The following MYBPC1 variants were observed in gnomAD, a reference collection of about 807,000 sequenced individuals.
The protein encoded by MYBPC1 is myosin binding protein C1.
Under a neutral mutation model 147.1 loss-of-function variants are expected in MYBPC1, and 52 were observed. The observed-to-expected ratio is 0.35, with a 90% CI of 0.28 to 0.45. The LOEUF (loss-of-function observed/expected upper bound fraction) is 0.45. Among genes scored for constraint, MYBPC1 ranks in the 20% least tolerant of loss-of-function variants. The pLI, the probability that MYBPC1 is intolerant of heterozygous loss-of-function variation, is 1.00. For synonymous variants in MYBPC1, 477 were observed against 475.9 expected (o/e 1.00, Z -0.03); for missense variants, 1,228 against 1,440.3 (o/e 0.85, Z 2.39).
At chr12:101,634,266 TG>T (rs1890562885) in intron 8 of MYBPC1, among the ~76,000 whole-genome samples, 1 of 152,198 alleles carries the variant, frequency 6.6e-6, no homozygotes, top group Non-Finnish European at 1.5e-5. Flanking sequence ...TCAACATCTT[TG>T]GCAGAGAGGA....
At chr12:101,666,576 C>T (rs1244974415) in intron 22 of MYBPC1, 19 of 666,096 alleles carry the variant, frequency 2.9e-5, no homozygotes, top group Non-Finnish European at 4.9e-5. Context: ...CTGTGCTCTC[C>T]TGAGGAACCC....
At chr12:101,608,498 A>G (rs143044415) in intron 1 of MYBPC1, among the ~76,000 whole-genome samples, 1 of 152,372 alleles carries the variant, frequency 6.6e-6, no homozygotes, top group East Asian at 1.9e-4. Context: ...TGGCTTTTGA[A>G]TAAGCAGAAG....
chr12:101,653,219 C>T lies in MYBPC1; in HGVS notation c.1738C>T (p.Pro580Ser), dbSNP rs1894876843. The T allele has an allele frequency of 3.1e-6, 5 of 1,614,102 alleles. No individual in the cohort carries two copies. Among genetic ancestry groups the T allele is most frequent in the East Asian group, 4.5e-5 (2 of 44,880 alleles). ...LEIPISGEPP[P>S]KAMWSRGDKA... ...GATCCCCATCAGCGGAGAACCACCT[C>T]CTAAAGCCATGTGGAGCCGGGGAGA... Residue 580 changes from proline (P) to serine (S), a missense_variant, in exon 18 of 32, where the codon CCT (proline) becomes TCT (serine). Pro to Ser is a moderately conservative substitution (Grantham distance 74, BLOSUM62 -1). Coordinates refer to ENST00000361466, the MANE Select transcript of MYBPC1 (RefSeq NM_002465.4).
At chr12:101,678,299 G>A (rs1277292513) in intron 28 of MYBPC1, 61 bp downstream of exon 28, 3 of 1,597,018 alleles carry the variant, frequency 1.9e-6, no homozygotes, top group South Asian at 1.1e-5. Flanking sequence ...GTGTTATAAT[G>A]TAAGTAACAA....
intron 28 of MYBPC1, among the ~76,000 whole-genome samples, chr12:101,679,642 A>G (rs913260023): frequency 6.6e-6 from 1 of 152,230 alleles, no homozygotes; most frequent in Non-Finnish European, 1.5e-5. Context: ...CTGATCTTGC[A>G]TTATCTGATT....
At position 101,659,851 on chromosome 12, in the gene MYBPC1, G is replaced by T; in HGVS notation, c.1927+20G>T. 1.2e-6 allele frequency: 2 copies of T among 1,613,618 alleles called. No homozygotes were observed. Among genetic ancestry groups the T allele is most frequent in the South Asian group, 1.1e-5 (1 of 91,038 alleles). ...TTGTGGGTAAGTCCTCCAGGTAAACGCACTTCTAGAATCAAGCTGACATGT... is the reference window on the plus strand; with the variant it reads ...TTGTGGGTAAGTCCTCCAGGTAAACTCACTTCTAGAATCAAGCTGACATGT... On this transcript the variant is annotated intron_variant, in intron 19 of 31. Coordinates refer to ENST00000361466, the MANE Select transcript of MYBPC1 (RefSeq NM_002465.4).
intron 5 of MYBPC1, 70 bp downstream of exon 5, chr12:101,627,874 A>G: frequency 1.3e-6 from 2 of 1,486,394 alleles, no homozygotes; most frequent in Non-Finnish European, 9.4e-7. Context: ...CATTTCTTGA[A>G]GCTGTATTGA....
chr12:101,652,688 T>G lies in MYBPC1; in HGVS notation c.1537T>G (p.Leu513Val). ...KVVHKGRIHK[L>V]VIANALTEDE... Reference sequence around the variant, plus strand: ...TCCTTGTTTCCTTAGGATCCACAAGTTAGTGATAGCCAATGCCCTCACTGA... The same window carrying G: ...TCCTTGTTTCCTTAGGATCCACAAGGTAGTGATAGCCAATGCCCTCACTGA... The change falls in exon 17 of 32, where the codon TTA becomes GTA. Residue 513 changes from leucine to valine, a missense_variant. Physicochemically the swap from Leu to Val is conservative, Grantham distance 32. Coordinates refer to ENST00000361466, the MANE Select transcript of MYBPC1 (RefSeq NM_002465.4). The G allele has an allele frequency of 6.2e-7, 1 of 1,612,124 alleles. No homozygotes were observed. Among genetic ancestry groups the G allele is most frequent in the Non-Finnish European group, 8.5e-7 (1 of 1,178,212 alleles).
intron 1 of MYBPC1, among the ~76,000 whole-genome samples, chr12:101,597,934 A>G (rs1160777139): frequency 1.3e-5 from 2 of 151,676 alleles, no homozygotes; most frequent in African/African-American, 4.8e-5. Context: ...ACATTCATTT[A>G]TATATCAATT....
chr12:101,695,254 A>AT, the MYBPC1 span, among the ~76,000 whole-genome samples: 1 of 152,206 alleles, frequency 6.6e-6, no homozygotes, highest in Non-Finnish European at 1.5e-5. Context: ...GCCGAACCCT[A>AT]TATGTACTAT....
At chr12:101,638,156 G>A (rs1224755528) in intron 10 of MYBPC1, among the ~76,000 whole-genome samples, 2 of 152,138 alleles carry the variant, frequency 1.3e-5, no homozygotes, top group Admixed American at 6.6e-5. Flanking sequence ...GGAAGCTGGC[G>A]CTTCAGTTTA....
intron 25 of MYBPC1, among the ~76,000 whole-genome samples, chr12:101,675,061 G>T (rs561984892): frequency 2.0e-5 from 3 of 151,948 alleles, no homozygotes; most frequent in African/African-American, 7.3e-5. Context: ...TGGCTAATCC[G>T]TTTTGAGTTT....
rs1173463924 is a variant in MYBPC1 at position 101,662,480 on chromosome 12, A to G, written c.2155A>G (p.Ile719Val). Reference sequence around the variant, plus strand: ...TGAAGGTGTGGCCTATGAGGTCCGCATCTTTGCAGTCAATGCCATTGGCAT... The same window carrying G: ...TGAAGGTGTGGCCTATGAGGTCCGCGTCTTTGCAGTCAATGCCATTGGCAT... ...MIEGVAYEVR[I>V]FAVNAIGISK... is the part of the protein sequence containing the mutation. Residue 719 changes from isoleucine (I) to valine (V), a missense_variant, in exon 21 of 32, where the codon ATC (isoleucine) becomes GTC (valine). Transcript: ENST00000361466. 1.2e-6 allele frequency: 2 copies of G among 1,614,242 alleles called. No homozygotes were observed. The highest frequency in any genetic ancestry group is 1.7e-6 in the Non-Finnish European group (2 of 1,180,034).
chr12:101,595,261 G>A (rs1014601368), intron 1 of MYBPC1, among the ~76,000 whole-genome samples, 166 bp downstream of exon 1: 16 of 152,246 alleles, frequency 1.1e-4, no homozygotes, highest in African/African-American at 3.1e-4. Flanking sequence ...AAAATACAGC[G>A]AGAGTATATT....
chr12:101,624,683 A>ATTTTTTTTTTTTTTTTTTTTTTTTTT (rs57175970), intron 3 of MYBPC1, among the ~76,000 whole-genome samples: 3 of 99,104 alleles, frequency 3.0e-5, no homozygotes, highest in African/African-American at 1.2e-4. Flanking sequence ...CGGCTAATTA[A>ATTTTTTTTTTTTTTTTTTTTTTTTTT]TTTTTTTTTT....
chr12:101,689,425 A>G (rs371099701), downstream of MYBPC1, among the ~76,000 whole-genome samples: 9 of 152,310 alleles, frequency 5.9e-5, no homozygotes, highest in East Asian at 1.9e-4. Context: ...TTTTAGTTTA[A>G]TGGTCAAACC....
intron 1 of MYBPC1, among the ~76,000 whole-genome samples, chr12:101,601,415 T>A (rs1445967471): frequency 6.6e-6 from 1 of 152,224 alleles, no homozygotes; most frequent in East Asian, 1.9e-4. Context: ...ACAGAGTATT[T>A]ATGGGCTTTA....
At chr12:101,601,551 A>G (rs1361860556) in intron 1 of MYBPC1, among the ~76,000 whole-genome samples, 1 of 152,234 alleles carries the variant, frequency 6.6e-6, no homozygotes, top group Non-Finnish European at 1.5e-5. Context: ...TGAGTTCACA[A>G]AAAGCTAACT....
chr12:101,666,829 T>A (rs1897526148), intron 22 of MYBPC1: 11 of 1,593,832 alleles, frequency 6.9e-6, no homozygotes, highest in Non-Finnish European at 9.5e-6. Context: ...TCAAATTTTC[T>A]TACTATATTA....
Sources: allele counts gnomAD v4.1 joint callset (sites outside exome capture counted in the v4.1 genomes callset), GRCh38; gene constraint gnomAD v4.1.1; transcripts MANE v1.5; gene names NCBI Gene and HGNC (gene_info 2026-07-23, HGNC 2026-07-21).